The following FBXO4 variants were observed in gnomAD, a reference collection of about 807,000 sequenced individuals.
The protein encoded by FBXO4 is F-box only protein 4.
FBXO4 carries 36 observed loss-of-function variants against 43.7 expected under a neutral mutation model. The ratio of observed to expected loss-of-function variants is 0.82; its 90% CI spans 0.63 to 1.09. The LOEUF (loss-of-function observed/expected upper bound fraction) is 1.09, where lower values mean the gene tolerates loss of function less well. Among genes scored for constraint, FBXO4 ranks in the 50% least tolerant of loss-of-function variants. The probability of loss-of-function intolerance (pLI) is 0.00; values close to 1 mark genes in which losing one functional copy is unlikely to be tolerated. For synonymous variants in FBXO4, 180 were observed against 165.6 expected (o/e 1.09, Z -0.67); for missense variants, 435 against 474.1 (o/e 0.92, Z 0.77).
the FBXO4 span, among the ~76,000 whole-genome samples, chr5:41,953,568 C>T: frequency 2.1e-3 from 315 of 150,710 alleles, no homozygotes; most frequent in African/African-American, 7.3e-3. Flanking sequence ...TGAGGAATCG[C>T]CACACTGACT....
chr5:42,037,623 C>T, the FBXO4 span, among the ~76,000 whole-genome samples: 1 of 152,070 alleles, frequency 6.6e-6, no homozygotes, highest in African/African-American at 2.4e-5. Context: ...CTATAGAAAA[C>T]AACCTGAACA....
intron 2 of FBXO4, 55 bp downstream of exon 2, chr5:41,927,303 T>G: frequency 7.8e-7 from 1 of 1,284,344 alleles, no homozygotes; most frequent in Non-Finnish European, 1.1e-6. Flanking sequence ...CCTGTATTAC[T>G]AGTCAATATC....
At chr5:41,959,723 GTCTAT>G in the FBXO4 span, among the ~76,000 whole-genome samples, 1 of 152,118 alleles carries the variant, frequency 6.6e-6, no homozygotes, top group East Asian at 1.9e-4. Context: ...TGGTCAAGGT[GTCTAT>G]TTTTATGCCA....
chr5:41,985,696 A>T, the FBXO4 span, among the ~76,000 whole-genome samples: 2 of 152,130 alleles, frequency 1.3e-5, no homozygotes, highest in South Asian at 2.1e-4. Flanking sequence ...AACTTCCTTG[A>T]GATTTGGTTT....
At chr5:41,950,032 A>G in the FBXO4 span, among the ~76,000 whole-genome samples, 1 of 152,204 alleles carries the variant, frequency 6.6e-6, no homozygotes, top group African/African-American at 2.4e-5. Context: ...CTGAAACTGG[A>G]TCCCTTCCTT....
At chr5:41,961,863 C>T in the FBXO4 span, among the ~76,000 whole-genome samples, 1 of 152,186 alleles carries the variant, frequency 6.6e-6, no homozygotes, top group Non-Finnish European at 1.5e-5. Context: ...CCAGTGTCCC[C>T]TATGGAGCTG....
the FBXO4 span, among the ~76,000 whole-genome samples, chr5:41,965,939 G>A: frequency 6.6e-6 from 1 of 152,104 alleles, no homozygotes; most frequent in African/African-American, 2.4e-5. Context: ...GAAAATGTGG[G>A]ACATACACCA....
intron 5 of FBXO4, among the ~76,000 whole-genome samples, chr5:41,935,867 A>G (rs755368961): frequency 3.3e-4 from 51 of 152,242 alleles, no homozygotes; most frequent in Admixed American, 2.2e-3. Context: ...GAGAACAAGT[A>G]GAAACTCTGA....
At chr5:41,928,190 A>G (rs1393528300) in intron 2 of FBXO4, among the ~76,000 whole-genome samples, 1 of 152,190 alleles carries the variant, frequency 6.6e-6, no homozygotes, top group Non-Finnish European at 1.5e-5. Flanking sequence ...TTGCTAGGCA[A>G]TACCTGTACA....
the FBXO4 span, among the ~76,000 whole-genome samples, chr5:42,017,762 G>C: frequency 2.6e-5 from 4 of 151,434 alleles, no homozygotes; most frequent in East Asian, 7.8e-4. Flanking sequence ...TTGCTGCAAA[G>C]AACATGATTT....
downstream of FBXO4, among the ~76,000 whole-genome samples, chr5:41,943,117 T>A (rs1752028098): frequency 6.6e-6 from 1 of 152,098 alleles, no homozygotes; most frequent in South Asian, 2.1e-4. Context: ...TCTATTATAA[T>A]TCAAGTCCAT....
chr5:41,942,635 C>T (rs569197700), downstream of FBXO4, among the ~76,000 whole-genome samples: 3 of 151,856 alleles, frequency 2.0e-5, no homozygotes, highest in Non-Finnish European at 4.4e-5. Flanking sequence ...GTTTAATTTT[C>T]CAGAGTCCCA....
the FBXO4 span, among the ~76,000 whole-genome samples, chr5:41,975,278 G>A: frequency 6.6e-6 from 1 of 152,146 alleles, no homozygotes; most frequent in Non-Finnish European, 1.5e-5. Context: ...TCTTCCTGCT[G>A]GAATTGTCTT....
the FBXO4 span, among the ~76,000 whole-genome samples, chr5:42,020,713 G>C: frequency 6.6e-6 from 1 of 152,160 alleles, no homozygotes; most frequent in African/African-American, 2.4e-5. Context: ...AGAAACCACA[G>C]CCAACTTCAA....
At chr5:42,032,957 C>A in the FBXO4 span, among the ~76,000 whole-genome samples, 1 of 152,102 alleles carries the variant, frequency 6.6e-6, no homozygotes, top group Non-Finnish European at 1.5e-5. Context: ...ATGATGAATG[C>A]TCTCAGACCT....
At chr5:42,024,603 T>G in the FBXO4 span, among the ~76,000 whole-genome samples, 1 of 151,866 alleles carries the variant, frequency 6.6e-6, no homozygotes, top group Non-Finnish European at 1.5e-5. Context: ...TACAATTAAG[T>G]TAGTGACTAC....
At chr5:41,946,396 G>T (rs1448568758), downstream of FBXO4, among the ~76,000 whole-genome samples, 1 of 152,202 alleles carries the variant, frequency 6.6e-6, no homozygotes. Flanking sequence ...AAATGCATTT[G>T]CCTGTTGAGA....
chr5:42,029,867 T>C, the FBXO4 span, among the ~76,000 whole-genome samples: 1 of 152,068 alleles, frequency 6.6e-6, no homozygotes, highest in African/African-American at 2.4e-5. Flanking sequence ...CTTCTCTGTG[T>C]TATCTTGAAT....
downstream of FBXO4, among the ~76,000 whole-genome samples, chr5:41,944,916 C>T (rs566861232): frequency 6.6e-6 from 1 of 152,172 alleles, no homozygotes; most frequent in Non-Finnish European, 1.5e-5. Context: ...CTCCAATTAG[C>T]AAAGTTTCTA....
Sources: gnomAD v4.1 joint callset for allele counts (sites outside exome capture counted in the v4.1 genomes callset) on GRCh38, gnomAD v4.1.1 for gene constraint, MANE v1.5 for transcripts, NCBI Gene and HGNC (gene_info 2026-07-23, HGNC 2026-07-21) for gene names.